The following LRRC7 variants were observed in gnomAD, a reference collection of about 807,000 sequenced individuals.
LRRC7 encodes the protein leucine-rich repeat-containing protein 7.
LRRC7 carries 23 observed loss-of-function variants against 175.7 expected under a neutral mutation model. That is an observed-to-expected ratio of 0.13 (90% CI 0.09 to 0.19). LRRC7 has a LOEUF of 0.19. Among genes scored for constraint, LRRC7 ranks in the 10% least tolerant of loss-of-function variants. The pLI, the probability that LRRC7 is intolerant of heterozygous loss-of-function variation, is 1.00. For synonymous variants in LRRC7, 685 were observed against 680.9 expected (o/e 1.01, Z -0.09); for missense variants, 1,354 against 1,904.7 (o/e 0.71, Z 5.38).
chr1:70,096,329 C>A (rs1664394140), intron 25 of LRRC7, among the ~76,000 whole-genome samples: 1 of 152,178 alleles, frequency 6.6e-6, no homozygotes, highest in Non-Finnish European at 1.5e-5. Context: ...TATAGTTTTA[C>A]ATAGTCTAAG....
chr1:69,700,238 C>G (rs550726784), intron 2 of LRRC7, among the ~76,000 whole-genome samples: 2 of 152,292 alleles, frequency 1.3e-5, no homozygotes, highest in South Asian at 4.1e-4. Context: ...TTATTACTTA[C>G]TAGCTGTGTA....
rs559695613 is a variant in LRRC7 at position 69,857,533 on chromosome 1, C to A, written c.647+19250C>A. On this transcript the variant is annotated intron_variant, in intron 7 of 26. Coordinates refer to ENST00000651989, the MANE Select transcript of LRRC7 (RefSeq NM_001370785.2). ...CAATTGCTTCAAAGAGAATAAAATA[C>A]CTAGGAATCCAGCTTACAAGGGATG... 3.8e-3 allele frequency among the ~76,000 whole-genome samples: 577 copies of A among 150,888 alleles called. 14 individuals carry two copies. The highest frequency in any genetic ancestry group is 0.013 in the African/African-American group (521 of 40,308).
At chr1:69,995,653 G>A (rs1036324662) in intron 11 of LRRC7, among the ~76,000 whole-genome samples, 2 of 151,342 alleles carry the variant, frequency 1.3e-5, no homozygotes, top group Admixed American at 6.6e-5. Context: ...AATATGCGGT[G>A]TTTGGTTTTT....
intron 5 of LRRC7, among the ~76,000 whole-genome samples, chr1:69,826,468 T>A (rs1020234635): frequency 6.6e-5 from 10 of 152,108 alleles, no homozygotes; most frequent in African/African-American, 2.4e-4. Context: ...GTGACAGAAG[T>A]CTGTGGAATC....
At position 70,130,774 on chromosome 1, in the gene LRRC7, A is replaced by G. The variant is rs77162279; in HGVS notation, c.*8887A>G. Among the ~76,000 whole-genome samples, 916 of 152,298 alleles carry G rather than the reference A, an allele frequency of 6.0e-3. 10 individuals carry two copies. Among genetic ancestry groups the G allele is most frequent in the African/African-American group, 0.022 (897 of 41,566 alleles). ...TTACGTTACCTAAGCAATTTTTACA[A>G]TTTGGATGTGGAGGGAAGAATAAAA... On this transcript the variant is annotated 3_prime_UTR_variant, in exon 27 of 27. Transcript: ENST00000651989.
intron 10 of LRRC7, among the ~76,000 whole-genome samples, chr1:69,991,947 A>C: frequency 6.6e-6 from 1 of 152,228 alleles, no homozygotes; most frequent in Non-Finnish European, 1.5e-5. Context: ...AAACTCAATA[A>C]AGAAAAATAA....
At chr1:69,887,129 G>C (rs4526563) in intron 7 of LRRC7, among the ~76,000 whole-genome samples, 50,840 of 121,868 alleles carry the variant, frequency 0.42, 11,374 homozygotes, top group East Asian at 0.55. Context: ...TATCTTTGTG[G>C]CGTTCTCTGT....
chr1:69,782,747 A>G (rs1254954601), intron 3 of LRRC7, among the ~76,000 whole-genome samples: 1 of 152,202 alleles, frequency 6.6e-6, no homozygotes, highest in Non-Finnish European at 1.5e-5. Flanking sequence ...GGACCTAATC[A>G]TATTTGCTTT....
chr1:69,769,455 T>A (rs911377802), intron 3 of LRRC7, among the ~76,000 whole-genome samples: 1 of 152,194 alleles, frequency 6.6e-6, no homozygotes, highest in Admixed American at 6.5e-5. Context: ...ATTTCACACC[T>A]GATCTCATAT....
chr1:69,578,218 A>C (rs1646037909), intron 1 of LRRC7, among the ~76,000 whole-genome samples: 1 of 151,404 alleles, frequency 6.6e-6, no homozygotes, highest in Admixed American at 6.6e-5. Context: ...CCATCAGAGA[A>C]ATGCAAATCA....
At chr1:69,605,618 C>T (rs1334494511) in intron 1 of LRRC7, among the ~76,000 whole-genome samples, 2 of 152,054 alleles carry the variant, frequency 1.3e-5, no homozygotes, top group African/African-American at 2.4e-5. Context: ...TGGGTAAGTG[C>T]CATGTGATGA....
intron 4 of LRRC7, among the ~76,000 whole-genome samples, chr1:69,815,254 AG>A (rs1185554561): frequency 6.6e-6 from 1 of 152,160 alleles, no homozygotes; most frequent in Non-Finnish European, 1.5e-5. Flanking sequence ...ATCCTACAGA[AG>A]ATCTTTGGAA....
rs573236830 is a variant in LRRC7 at position 70,007,202 on chromosome 1, C to T, written c.1005-4595C>T. Among the ~76,000 whole-genome samples the T allele has an allele frequency of 2.0e-5, 3 of 152,266 alleles. No homozygotes were observed. The East Asian group carries it at 5.8e-4, about 29-fold the overall frequency. ...ACCAGCCCCCATTCTGAGGCTATCC[C>T]AGAGCCCTTAGCCATAAGTCATTTC... On this transcript the variant is annotated intron_variant, in intron 11 of 26. Transcript: ENST00000651989.
intron 3 of LRRC7, among the ~76,000 whole-genome samples, chr1:69,782,564 G>A (rs1457594862): frequency 6.6e-6 from 1 of 152,172 alleles, no homozygotes; most frequent in Non-Finnish European, 1.5e-5. Flanking sequence ...GAGTGTGGCT[G>A]GAGATGTGGT....
At chr1:69,716,251 A>G (rs767110196) in intron 2 of LRRC7, 8 of 453,446 alleles carry the variant, frequency 1.8e-5, no homozygotes, top group Non-Finnish European at 3.2e-5. Context: ...ATGCTTAAGT[A>G]TATAGAATTC....
rs750335669 is a variant in LRRC7 at position 70,038,350 on chromosome 1, G to T, written c.2526G>T (p.Ser842=). Residue 842 remains serine (S), a synonymous_variant, in exon 21 of 27, where the codon TCG becomes TCT. Coordinates refer to ENST00000651989, the MANE Select transcript of LRRC7 (RefSeq NM_001370785.2). ...GTTCGAAATCTAGAAGCACATCTTC[G>T]CATGGACGCAGGCCTTTGATCAGGC... ...LLSSKSRSTS[S]HGRRPLIRQD... The T allele has an allele frequency of 5.0e-6, 8 of 1,613,936 alleles. No homozygotes were observed. In the African/African-American group the frequency reaches 5.3e-5, roughly 11 times the overall value.
At chr1:69,584,517 C>G (rs1253946429) in intron 1 of LRRC7, among the ~76,000 whole-genome samples, 2 of 152,066 alleles carry the variant, frequency 1.3e-5, no homozygotes, top group African/African-American at 4.8e-5. Context: ...TTTTAACTCT[C>G]TACATCATAA....
intron 7 of LRRC7, among the ~76,000 whole-genome samples, chr1:69,852,075 C>T (rs1181412295): frequency 6.6e-6 from 1 of 151,910 alleles, no homozygotes; most frequent in Non-Finnish European, 1.5e-5. Context: ...AATCCAAATG[C>T]TACTCTCTCT....
intron 7 of LRRC7, among the ~76,000 whole-genome samples, chr1:69,913,999 A>G (rs1646611202): frequency 6.6e-6 from 1 of 152,222 alleles, no homozygotes; most frequent in African/African-American, 2.4e-5. Flanking sequence ...CCAAATGTCC[A>G]TTAAACACAG....
Sources: allele counts gnomAD v4.1 joint callset (sites outside exome capture counted in the v4.1 genomes callset), GRCh38; gene constraint gnomAD v4.1.1; transcripts MANE v1.5; gene names NCBI Gene and HGNC (gene_info 2026-07-23, HGNC 2026-07-21).